ZBTB20: variants seen among roughly 807,000 people sequenced by gnomAD.
The protein encoded by ZBTB20 is zinc finger and BTB domain-containing protein 20.
ZBTB20 carries 9 observed loss-of-function variants against 56.9 expected under a neutral mutation model. The observed-to-expected ratio is 0.16, with a 90% CI of 0.10 to 0.28. The LOEUF (loss-of-function observed/expected upper bound fraction) is 0.28, where lower values mean the gene tolerates loss of function less well. ZBTB20 is among the 10% of genes least tolerant of loss of function. The pLI is 1.00. For missense variants in ZBTB20, 655 were observed against 1,003.0 expected, an observed-to-expected ratio of 0.65 and a Z score of 4.69; for synonymous variants, 417 against 420.7, an observed-to-expected ratio of 0.99 and a Z score of 0.11.
chr3:114,422,805 T>G (rs1237704205), intron 7 of ZBTB20, among the ~76,000 whole-genome samples: 1 of 152,124 alleles, frequency 6.6e-6, no homozygotes, highest in African/African-American at 2.4e-5. Flanking sequence ...ATGACACCTG[T>G]GTGTTCTTAT....
chr3:114,542,798 T>C (rs1314028023), intron 6 of ZBTB20, among the ~76,000 whole-genome samples: 1 of 152,146 alleles, frequency 6.6e-6, no homozygotes, highest in Non-Finnish European at 1.5e-5. Context: ...CAAATTCCTT[T>C]CCAAAGGTTT....
At chr3:114,802,627 T>G (rs1370924097) in intron 4 of ZBTB20, among the ~76,000 whole-genome samples, 1 of 151,820 alleles carries the variant, frequency 6.6e-6, no homozygotes, top group Non-Finnish European at 1.5e-5. Flanking sequence ...TGCACATTAT[T>G]TCCTTATAAG....
intron 5 of ZBTB20, among the ~76,000 whole-genome samples, chr3:114,700,062 T>C (rs143641688): frequency 1.3e-5 from 2 of 152,220 alleles, no homozygotes; most frequent in Non-Finnish European, 2.9e-5. Flanking sequence ...CTTATACTTT[T>C]TTTTATCTTA....
At position 114,334,219 on chromosome 3, in the gene ZBTB20, C is replaced by G. The variant is rs186635095; in HGVS notation, c.*4786G>C. On this transcript the variant is annotated 3_prime_UTR_variant, in exon 12 of 12. Transcript: ENST00000675478. The stretch of plus-strand genomic sequence containing the variant: ...CATCTTCTAGAACAACAGAGGAAAG[C>G]TCCAGAATGGGTGTATATCCTGTGA... 6.6e-6 allele frequency: 1 copy of G among 152,284 alleles called. No homozygotes were observed. The highest frequency in any genetic ancestry group is 1.5e-5 in the Non-Finnish European group (1 of 68,092). 9.4% of individuals were successfully genotyped at this position (152,284 alleles called of 1,614,324 possible). A position where few individuals can be genotyped will look rare whatever the true frequency, so the allele number is the denominator to read the frequency against.
intron 6 of ZBTB20, among the ~76,000 whole-genome samples, chr3:114,627,506 A>G (rs2058715665): frequency 6.6e-6 from 1 of 152,188 alleles, no homozygotes; most frequent in South Asian, 2.1e-4. Context: ...TCCCATGAAG[A>G]AGATTCCCCT....
At chr3:114,379,456 T>A (rs746681097) in intron 10 of ZBTB20, among the ~76,000 whole-genome samples, 64 of 152,124 alleles carry the variant, frequency 4.2e-4, no homozygotes, top group Non-Finnish European at 1.5e-4. Context: ...AAGAAAAAAA[T>A]CTCCTAAACG....
intron 4 of ZBTB20, among the ~76,000 whole-genome samples, chr3:114,863,096 A>G (rs1045212490): frequency 2.0e-5 from 3 of 152,082 alleles, no homozygotes; most frequent in Non-Finnish European, 4.4e-5. Flanking sequence ...TGTTTTTACC[A>G]TGTTACCCTC....
rs555470515 is a variant in ZBTB20, at chr3:114,507,094, C to T, written c.-294-6703G>A. Among the ~76,000 whole-genome samples the T allele has an allele frequency of 3.9e-5, 6 of 152,224 alleles. No homozygotes were observed. In the South Asian group the frequency reaches 1.2e-3, roughly 32 times the overall value. The stretch of plus-strand genomic sequence containing the variant: ...GGTCAAGGAAAAGTTAATTTTAGTG[C>T]ATTTTAGGAGTGGGGGCAAGATGAG... On this transcript the variant is annotated intron_variant, in intron 6 of 11. Coordinates refer to ENST00000675478, the MANE Select transcript of ZBTB20 (RefSeq NM_001348800.3).
At chr3:114,816,675 A>G (rs1191113961) in intron 4 of ZBTB20, among the ~76,000 whole-genome samples, 3 of 152,204 alleles carry the variant, frequency 2.0e-5, no homozygotes, top group Non-Finnish European at 2.9e-5. Flanking sequence ...GCTTACTGCT[A>G]AAATCCCCAT....
At chr3:114,795,660 T>C (rs1210760266) in intron 5 of ZBTB20, among the ~76,000 whole-genome samples, 2 of 152,050 alleles carry the variant, frequency 1.3e-5, no homozygotes, top group African/African-American at 4.8e-5. Flanking sequence ...CAAAGGACAG[T>C]ATAAGAGATT....
chr3:114,342,620 C>T (rs1291000630), intron 11 of ZBTB20, among the ~76,000 whole-genome samples: 1 of 152,102 alleles, frequency 6.6e-6, no homozygotes, highest in African/African-American at 2.4e-5. Context: ...AAGTACCTGT[C>T]TCGTGAAGGC....
chr3:114,997,194 A>G (rs2079062789), intron 2 of ZBTB20, among the ~76,000 whole-genome samples: 1 of 151,932 alleles, frequency 6.6e-6, no homozygotes, highest in African/African-American at 2.4e-5. Flanking sequence ...TGTTTTTGGT[A>G]GAGTATTATG....
chr3:114,851,226 A>G (rs2074985224), intron 4 of ZBTB20, among the ~76,000 whole-genome samples: 1 of 152,238 alleles, frequency 6.6e-6, no homozygotes, highest in African/African-American at 2.4e-5. Context: ...TGCTAATGGA[A>G]AAAAGTTGGT....
chr3:114,413,780 G>A (rs983063339), intron 7 of ZBTB20, among the ~76,000 whole-genome samples: 2 of 152,120 alleles, frequency 1.3e-5, no homozygotes, highest in African/African-American at 2.4e-5. Flanking sequence ...ACAGATGAGA[G>A]AAGTAAGGAT....
At chr3:114,978,908 T>C (rs1013630574) in intron 2 of ZBTB20, among the ~76,000 whole-genome samples, 3 of 151,894 alleles carry the variant, frequency 2.0e-5, no homozygotes, top group African/African-American at 7.2e-5. Context: ...TTATTAGAAT[T>C]CCTGAATGTT....
chr3:114,995,514 A>G (rs535527282), intron 2 of ZBTB20, among the ~76,000 whole-genome samples: 113 of 151,958 alleles, frequency 7.4e-4, no homozygotes, highest in Middle Eastern at 3.4e-3. Context: ...ACATTTAAAG[A>G]CAAAAAATCA....
chr3:115,029,645 A>T (rs1421741597), intron 2 of ZBTB20, among the ~76,000 whole-genome samples: 4 of 150,976 alleles, frequency 2.6e-5, no homozygotes, highest in African/African-American at 9.6e-5. Context: ...GGAAAAACAT[A>T]GATTTTTTTT....
intron 6 of ZBTB20, among the ~76,000 whole-genome samples, chr3:114,581,254 C>T (rs962212581): frequency 6.6e-6 from 1 of 151,760 alleles, no homozygotes; most frequent in African/African-American, 2.4e-5. Flanking sequence ...TGTAGGGTAC[C>T]AGAACCAAAA....
chr3:114,381,188 A>G (rs74984852), intron 8 of ZBTB20, among the ~76,000 whole-genome samples: 1 of 152,178 alleles, frequency 6.6e-6, no homozygotes, highest in Non-Finnish European at 1.5e-5. Context: ...TAAAGAGGGA[A>G]GGTGTCATGC....
Sources: allele counts gnomAD v4.1 joint callset (sites outside exome capture counted in the v4.1 genomes callset), GRCh38; gene constraint gnomAD v4.1.1; transcripts MANE v1.5; gene names NCBI Gene and HGNC (gene_info 2026-07-23, HGNC 2026-07-21).